The following ZBTB20 variants were observed in gnomAD, a reference collection of about 807,000 sequenced individuals.
ZBTB20 encodes the protein zinc finger and BTB domain-containing protein 20.
A neutral mutation model predicts 56.9 loss-of-function variants in ZBTB20; 9 were observed. The ratio of observed to expected loss-of-function variants is 0.16; its 90% CI spans 0.10 to 0.28. The LOEUF is 0.28. Among genes scored for constraint, ZBTB20 ranks in the 10% least tolerant of loss-of-function variants. The pLI, the probability that ZBTB20 is intolerant of heterozygous loss-of-function variation, is 1.00. For synonymous variants in ZBTB20, 417 were observed against 420.7 expected (o/e 0.99, Z 0.11); for missense variants, 655 against 1,003.0 (o/e 0.65, Z 4.69).
chr3:114,425,496 C>T (rs781501396), intron 7 of ZBTB20, among the ~76,000 whole-genome samples: 6 of 152,124 alleles, frequency 3.9e-5, no homozygotes, highest in South Asian at 2.1e-4. Flanking sequence ...TACCCTAAAA[C>T]GCTCAAAATG....
chr3:114,970,712 A>T (rs1444789036), intron 3 of ZBTB20, among the ~76,000 whole-genome samples: 1 of 152,206 alleles, frequency 6.6e-6, no homozygotes, highest in Non-Finnish European at 1.5e-5. Context: ...AGAATAAAAT[A>T]CAGGCTTAAA....
intron 10 of ZBTB20, among the ~76,000 whole-genome samples, chr3:114,360,076 G>A (rs577136204): frequency 3.0e-4 from 45 of 150,850 alleles, no homozygotes; most frequent in African/African-American, 1.0e-3. Flanking sequence ...GGACTTAAAC[G>A]AGTGAGAAAA....
At chr3:114,736,594 T>C (rs935365337) in intron 5 of ZBTB20, among the ~76,000 whole-genome samples, 1 of 152,142 alleles carries the variant, frequency 6.6e-6, no homozygotes, top group South Asian at 2.1e-4. Flanking sequence ...GTTTAAAAAG[T>C]AAAATTCAAG....
chr3:114,677,483 C>T (rs765262459), intron 6 of ZBTB20, among the ~76,000 whole-genome samples: 39 of 152,090 alleles, frequency 2.6e-4, no homozygotes, highest in Non-Finnish European at 4.6e-4. Context: ...ACTGTGTATG[C>T]GAGGGATTGA....
At chr3:114,597,829 A>G (rs1027424543) in intron 6 of ZBTB20, among the ~76,000 whole-genome samples, 5 of 152,098 alleles carry the variant, frequency 3.3e-5, no homozygotes, top group Admixed American at 1.3e-4. Flanking sequence ...TATTCAATAG[A>G]GGTTTTGTTT....
intron 5 of ZBTB20, among the ~76,000 whole-genome samples, chr3:114,783,123 A>G (rs1260888518): frequency 6.6e-6 from 1 of 152,244 alleles, no homozygotes; most frequent in South Asian, 2.1e-4. Flanking sequence ...AAGTCTCTGC[A>G]TAAGAAGTAG....
At chr3:115,142,027 TA>T (rs2084824742) in intron 1 of ZBTB20, among the ~76,000 whole-genome samples, 1 of 152,144 alleles carries the variant, frequency 6.6e-6, no homozygotes, top group Admixed American at 6.5e-5. Context: ...TAATCATGCT[TA>T]AAAAAATACT....
intron 6 of ZBTB20, among the ~76,000 whole-genome samples, chr3:114,589,405 C>T (rs2055515092): frequency 6.6e-6 from 1 of 152,150 alleles, no homozygotes; most frequent in African/African-American, 2.4e-5. Flanking sequence ...GCCAGTCACA[C>T]CCATTTCTCA....
chr3:114,659,924 G>C (rs1467414096), intron 6 of ZBTB20, among the ~76,000 whole-genome samples: 1 of 151,942 alleles, frequency 6.6e-6, no homozygotes, highest in Non-Finnish European at 1.5e-5. Context: ...TTCTTTGCTT[G>C]TCCAAGACTG....
At chr3:114,839,457 A>AGAG (rs1560306775) in intron 4 of ZBTB20, among the ~76,000 whole-genome samples, 19 of 151,160 alleles carry the variant, frequency 1.3e-4, no homozygotes, top group African/African-American at 4.4e-4. Flanking sequence ...GAAAGAAAGA[A>AGAG]AGAAAGAAAG....
chr3:114,474,078 G>T (rs1410219786), intron 7 of ZBTB20, among the ~76,000 whole-genome samples: 2 of 152,176 alleles, frequency 1.3e-5, no homozygotes. Context: ...AAAACCATCA[G>T]ATCTCTTGAG....
chr3:114,737,466 G>A (rs1373594275), intron 5 of ZBTB20, among the ~76,000 whole-genome samples: 2 of 152,022 alleles, frequency 1.3e-5, no homozygotes, highest in African/African-American at 4.8e-5. Flanking sequence ...CAACTGAAAT[G>A]GAACAAGCAA....
chr3:114,489,091 T>C (rs1366948645), intron 7 of ZBTB20, among the ~76,000 whole-genome samples: 2 of 152,206 alleles, frequency 1.3e-5, no homozygotes, highest in Admixed American at 1.3e-4. Flanking sequence ...GCTGTGAGAT[T>C]TCAAAGGAAT....
intron 7 of ZBTB20, among the ~76,000 whole-genome samples, chr3:114,468,649 T>C (rs529268266): frequency 6.6e-6 from 1 of 152,328 alleles, no homozygotes; most frequent in South Asian, 2.1e-4. Flanking sequence ...GACATTTTGG[T>C]TGCATTCTGA....
rs72960333 is a variant in ZBTB20 at position 114,958,513 on chromosome 3, C to T, written c.-456+15853G>A. ...AGAGCAGAATACAGTCTTTTTCTTA[C>T]GGATTTAAAAATCTTAGTTACCTTT... On this transcript the variant is annotated intron_variant, in intron 3 of 11. Coordinates refer to ENST00000675478, the MANE Select transcript of ZBTB20 (RefSeq NM_001348800.3). 5.7e-3 allele frequency among the ~76,000 whole-genome samples: 865 copies of T among 152,152 alleles called. 12 individuals are homozygous for T. The highest frequency in any genetic ancestry group is 0.02 in the African/African-American group (830 of 41,522).
chr3:114,777,751 A>T (rs2069716442), intron 5 of ZBTB20, among the ~76,000 whole-genome samples: 1 of 152,074 alleles, frequency 6.6e-6, no homozygotes. Context: ...CTGGGTATAT[A>T]CCCAAAGGAT....
At chr3:114,558,743 C>A (rs1223786389) in intron 6 of ZBTB20, among the ~76,000 whole-genome samples, 1 of 152,148 alleles carries the variant, frequency 6.6e-6, no homozygotes, top group Non-Finnish European at 1.5e-5. Flanking sequence ...CTTACTGTAA[C>A]TAGAATAAAA....
chr3:115,100,027 T>G (rs922120953), intron 1 of ZBTB20: 1 of 151,988 alleles, frequency 6.6e-6, no homozygotes, highest in Admixed American at 6.6e-5. Flanking sequence ...TGTTCTAAAT[T>G]TTAAGCTAGC....
At chr3:114,647,565 T>C (rs192993978) in intron 6 of ZBTB20, among the ~76,000 whole-genome samples, 1 of 152,292 alleles carries the variant, frequency 6.6e-6, no homozygotes, top group East Asian at 1.9e-4. Context: ...GAGTTTAGAG[T>C]CAGTCAGCCA....
Sources: gnomAD v4.1 joint callset for allele counts (sites outside exome capture counted in the v4.1 genomes callset) on GRCh38, gnomAD v4.1.1 for gene constraint, MANE v1.5 for transcripts, NCBI Gene and HGNC (gene_info 2026-07-23, HGNC 2026-07-21) for gene names.